MYT1: variants seen among roughly 807,000 people sequenced by gnomAD.
MYT1 encodes the protein myelin transcription factor I.
A neutral mutation model predicts 123.0 loss-of-function variants in MYT1; 23 were observed. That is an observed-to-expected ratio of 0.19 (90% confidence interval 0.13 to 0.26). The LOEUF (loss-of-function observed/expected upper bound fraction) is 0.26, where lower values mean the gene tolerates loss of function less well. MYT1 is among the 10% of genes least tolerant of loss of function. The probability of loss-of-function intolerance (pLI) is 1.00; values close to 1 mark genes in which losing one functional copy is unlikely to be tolerated. For synonymous variants in MYT1, 518 were observed against 575.3 expected, an observed-to-expected ratio of 0.90 and a Z score of 1.43; for missense variants, 1,125 against 1,472.5, an observed-to-expected ratio of 0.76 and a Z score of 3.86.
intron 17 of MYT1, 54 bp from the exon 18 acceptor site, chr20:64,227,834 T>G: frequency 4.0e-6 from 6 of 1,496,562 alleles, no homozygotes; most frequent in Non-Finnish European, 5.5e-6. Flanking sequence ...TGAACGGGTG[T>G]GAGAAGCTGC....
At position 64,232,429 on chromosome 20, in the gene MYT1, G is replaced by A; in HGVS notation, c.2897+44G>A. The A allele has an allele frequency of 6.3e-7, 1 of 1,588,364 alleles. No homozygotes were observed. Among genetic ancestry groups the A allele is most frequent in the Non-Finnish European group, 8.6e-7 (1 of 1,158,778 alleles). On this transcript the variant is annotated intron_variant, in intron 19 of 22. Coordinates refer to ENST00000328439, the MANE Select transcript of MYT1 (RefSeq NM_004535.3). The surrounding 1 kb of genome is among the most constrained non-coding windows in gnomAD (Gnocchi z 6.9). ...CCTGCCCCTCTGTGCAGTCAGTAGG[G>A]ACCCTCGCCTGGGGCCTGGGGCTGA...
intron 2 of MYT1, among the ~76,000 whole-genome samples, chr20:64,194,485 C>G (rs940302257): frequency 1.3e-5 from 2 of 152,210 alleles, no homozygotes; most frequent in Non-Finnish European, 2.9e-5. Flanking sequence ...GCCAGAACAG[C>G]TCCTGCTGGG....
intron 2 of MYT1, among the ~76,000 whole-genome samples, chr20:64,195,863 T>C (rs577251503): frequency 8.5e-4 from 130 of 152,326 alleles, no homozygotes; most frequent in Middle Eastern, 3.4e-3. Context: ...TTGGGTTAAT[T>C]TGGCAATATA....
intron 1 of MYT1, among the ~76,000 whole-genome samples, chr20:64,177,603 G>A (rs2145693501): frequency 6.6e-6 from 1 of 151,776 alleles, no homozygotes; most frequent in East Asian, 1.9e-4. Context: ...CCAGGGGTGG[G>A]GACATGAGGG....
In MYT1 at chr20:64,218,847, G is replaced by T. The variant is rs1181816001; in HGVS notation, c.1847-64G>T. 6.2e-7 allele frequency: 1 copy of T among 1,609,246 alleles called. No individual in the cohort carries two copies. The highest frequency in any genetic ancestry group is 1.7e-5 in the Admixed American group (1 of 60,012). The stretch of plus-strand genomic sequence containing the variant: ...TTTTGCAGCCAAACCTTTCCCAAAG[G>T]CCTCTTCCCCCAGGCACAGCCCCTC... On this transcript the variant is annotated intron_variant, in intron 11 of 22. Transcript: ENST00000328439. This position sits in a 1 kb window ranked among gnomAD's most constrained non-coding sequence, Gnocchi z 4.0.
intron 6 of MYT1, among the ~76,000 whole-genome samples, chr20:64,206,947 C>G (rs927568619): frequency 2.5e-4 from 38 of 152,178 alleles, no homozygotes; most frequent in Admixed American, 1.9e-3. Flanking sequence ...CACTCTGTTG[C>G]CCAGGCTGGA....
Position 64,207,998 on chromosome 20 carries a change from G to A in MYT1, c.802G>A (p.Glu268Lys), listed in dbSNP as rs1484263912. 3.8e-6 allele frequency: 6 copies of A among 1,586,976 alleles called. No homozygotes were observed. The highest frequency in any genetic ancestry group is 5.1e-6 in the Non-Finnish European group (6 of 1,169,170). The part of the protein sequence containing the change: ...EEEDEEEEEE[E>K]EEEEEDEEEE... ...GGAGGACGAGGAGGAGGAGGAGGAG[G>A]AAGAGGAGGAGGAGGAGGATGAAGA... Residue 268 changes from glutamate to lysine, a missense_variant, in exon 7 of 23, where the codon GAA becomes AAA. Glu to Lys is a moderately conservative substitution (Grantham distance 56). This residue lies in a region of MYT1 where 406 missense variants were observed against 432.2 expected (regional missense o/e 0.94). Transcript: ENST00000328439.
chr20:64,239,647 C>A, intron 21 of MYT1, 113 bp from the exon 22 acceptor site: 1 of 1,476,986 alleles, frequency 6.8e-7, no homozygotes, highest in Admixed American at 2.0e-5. Context: ...TGCCTCTTCC[C>A]CCACCCCAGG....
In MYT1 at chr20:64,232,439, T is replaced by G; in HGVS notation, c.2897+54T>G. The G allele has an allele frequency of 3.9e-6, 6 of 1,556,308 alleles. No individual in the cohort carries two copies. Among genetic ancestry groups the G allele is most frequent in the African/African-American group, 1.4e-5 (1 of 73,870 alleles). ...TGTGCAGTCAGTAGGGACCCTCGCCTGGGGCCTGGGGCTGAAGCTCCTGAG... is the reference window on the plus strand; with the variant it reads ...TGTGCAGTCAGTAGGGACCCTCGCCGGGGGCCTGGGGCTGAAGCTCCTGAG... On this transcript the variant is annotated intron_variant, in intron 19 of 22. Coordinates refer to ENST00000328439, the MANE Select transcript of MYT1 (RefSeq NM_004535.3). This position sits in a 1 kb window ranked among gnomAD's most constrained non-coding sequence, Gnocchi z 6.9.
At chr20:64,174,213 T>C (rs1763019) in intron 1 of MYT1, among the ~76,000 whole-genome samples, 2 of 804 alleles carry the variant, frequency 2.5e-3, no homozygotes, top group Non-Finnish European at 1.9e-3. Context: ...TGTGTCCATT[T>C]CCCCTCCCTG....
chr20:64,228,212 C>A, intron 18 of MYT1: 2 of 541,090 alleles, frequency 3.7e-6, no homozygotes, highest in South Asian at 4.8e-5. Flanking sequence ...ATTTTCTGGG[C>A]TTTTCAGGTC....
At chr20:64,169,963 A>G (rs1020180382) in intron 1 of MYT1, among the ~76,000 whole-genome samples, 5 of 141,208 alleles carry the variant, frequency 3.5e-5, no homozygotes, top group African/African-American at 1.3e-4. Flanking sequence ...AGTCCCACCC[A>G]GCCCCACCCA....
At chr20:64,170,898 G>GAC (rs1982251254) in intron 1 of MYT1, among the ~76,000 whole-genome samples, 1 of 98,244 alleles carries the variant, frequency 1.0e-5, no homozygotes, top group Non-Finnish European at 2.0e-5. Flanking sequence ...GAGAGAGAGA[G>GAC]AGAGAGAGAG....
At chr20:64,234,389 T>C (rs1169550765) in intron 19 of MYT1, among the ~76,000 whole-genome samples, 3 of 152,122 alleles carry the variant, frequency 2.0e-5, no homozygotes, top group Non-Finnish European at 4.4e-5. Flanking sequence ...AGAGCAACGG[T>C]GCCCTGGCCC....
intron 4 of MYT1, among the ~76,000 whole-genome samples, chr20:64,204,295 G>C (rs935074553): frequency 3.9e-5 from 6 of 152,190 alleles, no homozygotes; most frequent in Non-Finnish European, 8.8e-5. Flanking sequence ...TAAGGAAGAG[G>C]AACTCCTGGG....
rs570677026 is a variant in MYT1, at chr20:64,238,189, C to T, written c.3093+799C>T. Among the ~76,000 whole-genome samples, 17 of 152,146 alleles carry T rather than the reference C, an allele frequency of 1.1e-4. 1 individual carries two copies. In the South Asian group the frequency reaches 1.9e-3, roughly 17 times the overall value. On this transcript the variant is annotated intron_variant, in intron 21 of 22. Transcript: ENST00000328439. ...GTGGCTGCTGAGTGGAGTCTGCAGC[C>T]GTGCTGGGGGAGACATAACTGTGCC...
chr20:64,216,703 G>A (rs1568714503), intron 10 of MYT1, among the ~76,000 whole-genome samples: 1 of 152,226 alleles, frequency 6.6e-6, no homozygotes, highest in Non-Finnish European at 1.5e-5. Context: ...CTTTGGCCCT[G>A]CCTGATACTC....
At position 64,218,130 on chromosome 20, in the gene MYT1, C is replaced by A. The variant is rs577067951; in HGVS notation, c.1847-781C>A. ...CTCTTCCTAACTTTGACAGAACCTGCTCTTTAGGATGGAGGACTTCCTGCC... is the reference window on the plus strand; with the variant it reads ...CTCTTCCTAACTTTGACAGAACCTGATCTTTAGGATGGAGGACTTCCTGCC... On this transcript the variant is annotated intron_variant, in intron 11 of 22. Coordinates refer to ENST00000328439, the MANE Select transcript of MYT1 (RefSeq NM_004535.3). The surrounding 1 kb of genome is among the most constrained non-coding windows in gnomAD (Gnocchi z 4.0). Among the ~76,000 whole-genome samples the A allele has an allele frequency of 5.9e-5, 9 of 152,194 alleles. No homozygotes were observed. The highest frequency in any genetic ancestry group is 2.2e-4 in the African/African-American group (9 of 41,444).
intron 1 of MYT1, among the ~76,000 whole-genome samples, chr20:64,180,737 C>T (rs1401126281): frequency 6.6e-6 from 1 of 152,252 alleles, no homozygotes; most frequent in Non-Finnish European, 1.5e-5. Flanking sequence ...TCACAGTGAC[C>T]AGCTAGCTTC....
Sources: gnomAD v4.1 joint callset for allele counts (sites outside exome capture counted in the v4.1 genomes callset) on GRCh38, gnomAD v4.1.1 for gene constraint, gnomAD v4.1.1 regional missense constraint, Gnocchi (gnomAD v3.1) non-coding constraint, MANE v1.5 for transcripts, NCBI Gene and HGNC (gene_info 2026-07-23, HGNC 2026-07-21) for gene names.